Variants in KCNIP4 observed in about 807,000 individuals in gnomAD.
KCNIP4 encodes Kv channel-interacting protein 4.
Under a neutral mutation model 34.0 loss-of-function variants are expected in KCNIP4, and 12 were observed. The observed-to-expected ratio is 0.35, with a 90% confidence interval of 0.23 to 0.57. The LOEUF (loss-of-function observed/expected upper bound fraction) is 0.57, where lower values mean the gene tolerates loss of function less well. KCNIP4 is among the 20% of genes least tolerant of loss of function. KCNIP4 has a pLI of 0.83. For synonymous variants in KCNIP4, 124 were observed against 102.2 expected, an observed-to-expected ratio of 1.21 and a Z score of -1.29; for missense variants, 238 against 311.7, an observed-to-expected ratio of 0.76 and a Z score of 1.78.
intron 3 of KCNIP4, among the ~76,000 whole-genome samples, chr4:20,843,198 A>G (rs959853794): frequency 9.2e-5 from 14 of 152,138 alleles, no homozygotes; most frequent in Non-Finnish European, 1.9e-4. Context: ...ATGAGCCACC[A>G]TGCCCAGCCT....
chr4:21,795,795 T>C (rs1175656602), intron 1 of KCNIP4, among the ~76,000 whole-genome samples: 2 of 152,114 alleles, frequency 1.3e-5, no homozygotes, highest in Admixed American at 1.3e-4. Context: ...TTCCCGGGTG[T>C]GGTGGCTCAC....
At chr4:21,213,159 C>T (rs1216649088) in intron 1 of KCNIP4, among the ~76,000 whole-genome samples, 5 of 152,112 alleles carry the variant, frequency 3.3e-5, no homozygotes, top group South Asian at 2.1e-4. Context: ...GAGATATCAT[C>T]GTATATTTTA....
At chr4:21,466,997 T>C (rs920282641) in intron 1 of KCNIP4, among the ~76,000 whole-genome samples, 1 of 151,784 alleles carries the variant, frequency 6.6e-6, no homozygotes, top group Admixed American at 6.6e-5. Flanking sequence ...AAAAATCTTT[T>C]CTGAAATATG....
chr4:20,820,325 T>A (rs1051605970), intron 3 of KCNIP4, among the ~76,000 whole-genome samples: 1 of 152,224 alleles, frequency 6.6e-6, no homozygotes, highest in African/African-American at 2.4e-5. Context: ...CTGAATTGTC[T>A]GTGTCTTAGT....
At chr4:21,823,862 A>G (rs1247142983) in intron 1 of KCNIP4, among the ~76,000 whole-genome samples, 1 of 152,206 alleles carries the variant, frequency 6.6e-6, no homozygotes, top group Admixed American at 6.5e-5. Context: ...CCATTCCTGT[A>G]TAAACACCCC....
chr4:21,947,817 A>G (rs771769059), intron 1 of KCNIP4, among the ~76,000 whole-genome samples: 27 of 152,110 alleles, frequency 1.8e-4, no homozygotes, highest in Non-Finnish European at 3.8e-4. Context: ...AAAACCACCT[A>G]ATAACAAATC....
At chr4:21,181,665 G>C (rs1310705441) in intron 1 of KCNIP4, among the ~76,000 whole-genome samples, 1 of 152,124 alleles carries the variant, frequency 6.6e-6, no homozygotes, top group Non-Finnish European at 1.5e-5. Flanking sequence ...GCAGGCACAA[G>C]CAGAATCTGC....
chr4:21,225,204 G>A (rs1415004649), intron 1 of KCNIP4, among the ~76,000 whole-genome samples: 1 of 152,100 alleles, frequency 6.6e-6, no homozygotes, highest in Non-Finnish European at 1.5e-5. Context: ...GGTTACTGAT[G>A]CCCTGATCCT....
At chr4:21,545,852 G>A (rs570322463) in intron 1 of KCNIP4, among the ~76,000 whole-genome samples, 23 of 152,192 alleles carry the variant, frequency 1.5e-4, no homozygotes, top group South Asian at 2.1e-4. Flanking sequence ...ATACGTGTGC[G>A]TGTGTCTTTA....
intron 2 of KCNIP4, among the ~76,000 whole-genome samples, chr4:20,859,038 A>T (rs1721916065): frequency 6.6e-6 from 1 of 152,180 alleles, no homozygotes; most frequent in Non-Finnish European, 1.5e-5. Flanking sequence ...GGGATAAAAG[A>T]TTTTAAATCA....
intron 1 of KCNIP4, among the ~76,000 whole-genome samples, chr4:21,784,271 C>T (rs1719759349): frequency 1.3e-5 from 2 of 151,998 alleles, no homozygotes; most frequent in Non-Finnish European, 1.5e-5. Flanking sequence ...GGGGACAGAG[C>T]CAAACCATAT....
intron 1 of KCNIP4, among the ~76,000 whole-genome samples, chr4:21,676,752 G>T (rs181865363): frequency 1.3e-5 from 2 of 152,248 alleles, no homozygotes; most frequent in East Asian, 3.9e-4. Flanking sequence ...TATTTACAAA[G>T]ATGGGACTCA....
At chr4:20,845,493 C>T (rs1720256768) in intron 3 of KCNIP4, among the ~76,000 whole-genome samples, 1 of 152,150 alleles carries the variant, frequency 6.6e-6, no homozygotes, top group Non-Finnish European at 1.5e-5. Flanking sequence ...GCTCCAATCC[C>T]ACCACCCTCT....
At chr4:21,901,883 C>T (rs1039227194) in intron 1 of KCNIP4, among the ~76,000 whole-genome samples, 6 of 152,200 alleles carry the variant, frequency 3.9e-5, no homozygotes, top group East Asian at 1.9e-4. Flanking sequence ...CCCTCCTATT[C>T]CCTCCCCGAT....
chr4:21,808,142 G>A (rs1389490373), intron 1 of KCNIP4, among the ~76,000 whole-genome samples: 3 of 152,098 alleles, frequency 2.0e-5, no homozygotes, highest in Non-Finnish European at 4.4e-5. Context: ...GTGGTTTCTG[G>A]ACTTGAGATA....
At chr4:21,881,756 G>A (rs1180487605) in intron 1 of KCNIP4, among the ~76,000 whole-genome samples, 1 of 152,150 alleles carries the variant, frequency 6.6e-6, no homozygotes, top group Non-Finnish European at 1.5e-5. Flanking sequence ...TGAATTGCAA[G>A]TAGTCCATTG....
In KCNIP4 at chr4:21,036,739, C is replaced by A. The variant is rs368582360; in HGVS notation, c.62-154030G>T. On this transcript the variant is annotated intron_variant, in intron 1 of 8. Transcript: ENST00000382152. ...GACTCCGTCTCAAAAAACAAACAAA[C>A]AAACAAACCTGCTATATGTCTTGTT... Among the ~76,000 whole-genome samples, 229 of 152,300 alleles carry A rather than the reference C, an allele frequency of 1.5e-3. 2 individuals are homozygous for A. The highest frequency in any genetic ancestry group is 0.01 in the Middle Eastern group (3 of 294).
At chr4:20,824,132 G>A (rs184429359) in intron 3 of KCNIP4, among the ~76,000 whole-genome samples, 10 of 152,204 alleles carry the variant, frequency 6.6e-5, no homozygotes, top group Middle Eastern at 3.4e-3. Flanking sequence ...GAATATTACC[G>A]TACAGTTATG....
At chr4:21,620,149 T>C (rs1744903556) in intron 1 of KCNIP4, among the ~76,000 whole-genome samples, 1 of 152,052 alleles carries the variant, frequency 6.6e-6, no homozygotes, top group South Asian at 2.1e-4. Flanking sequence ...AATTGGAAAG[T>C]GATTGTTTTA....
Sources: allele counts gnomAD v4.1 joint callset (sites outside exome capture counted in the v4.1 genomes callset), GRCh38; gene constraint gnomAD v4.1.1; transcripts MANE v1.5; gene names NCBI Gene and HGNC (gene_info 2026-07-23, HGNC 2026-07-21).